NCAM2: variants seen among roughly 807,000 people sequenced by gnomAD.
NCAM2 encodes the protein N-CAM-2.
A neutral mutation model predicts 98.1 loss-of-function variants in NCAM2; 30 were observed. That is an observed-to-expected ratio of 0.31 (90% CI 0.23 to 0.41). The LOEUF (loss-of-function observed/expected upper bound fraction) is 0.41, where lower values mean the gene tolerates loss of function less well. Among genes scored for constraint, NCAM2 ranks in the 10% least tolerant of loss-of-function variants. The probability of loss-of-function intolerance (pLI) is 1.00; values close to 1 mark genes in which losing one functional copy is unlikely to be tolerated. For missense variants in NCAM2, 867 were observed against 1,005.8 expected (o/e 0.86, Z 1.87); for synonymous variants, 368 against 342.4 (o/e 1.07, Z -0.83).
intron 16 of NCAM2, among the ~76,000 whole-genome samples, chr21:21,527,133 A>T (rs540325216): frequency 1.9e-4 from 28 of 144,978 alleles, no homozygotes. Flanking sequence ...TTTTTTTGAG[A>T]TGGAGTCTCG....
chr21:21,098,157 T>C (rs1283477739), intron 1 of NCAM2, among the ~76,000 whole-genome samples: 1 of 150,346 alleles, frequency 6.7e-6, no homozygotes, highest in African/African-American at 2.4e-5. Context: ...AGTTTTAAAC[T>C]ATTGTTAGTT....
intron 1 of NCAM2, among the ~76,000 whole-genome samples, chr21:21,196,271 G>C (rs1363886388): frequency 6.6e-6 from 1 of 152,098 alleles, no homozygotes; most frequent in Non-Finnish European, 1.5e-5. Flanking sequence ...TGCCCTTCCT[G>C]GGTCAACCCA....
intron 5 of NCAM2, among the ~76,000 whole-genome samples, chr21:21,308,483 C>T (rs1346349314): frequency 2.0e-5 from 3 of 152,112 alleles, no homozygotes; most frequent in African/African-American, 4.8e-5. Context: ...ACAAACTCCT[C>T]TGACATTTTG....
chr21:21,430,164 A>T (rs541888849), intron 11 of NCAM2, among the ~76,000 whole-genome samples: 1 of 151,840 alleles, frequency 6.6e-6, no homozygotes, highest in South Asian at 2.1e-4. Flanking sequence ...AAGCAGCTGG[A>T]ATCACAGGCA....
chr21:21,107,556 T>A (rs2066374330), intron 1 of NCAM2, among the ~76,000 whole-genome samples: 1 of 152,108 alleles, frequency 6.6e-6, no homozygotes, highest in African/African-American at 2.4e-5. Flanking sequence ...AATTTCCTAC[T>A]TAATTTTTGA....
rs1390464386 is a variant in NCAM2 at position 21,284,416 on chromosome 21, A to G, written c.337+16A>G. On this transcript the variant is annotated intron_variant, in intron 3 of 17. Coordinates refer to ENST00000400546, the MANE Select transcript of NCAM2 (RefSeq NM_004540.5). ...GAAATTTACCGTAAGTAATGTATTT[A>G]TATGTTTTAGTTTATTCAATTTCAG... 2 of 1,580,540 alleles carry G rather than the reference A, an allele frequency of 1.3e-6. No homozygotes were observed. Among genetic ancestry groups the G allele is most frequent in the Admixed American group, 1.7e-5 (1 of 59,498 alleles).
chr21:21,311,180 C>CT (rs1344923009), intron 5 of NCAM2, among the ~76,000 whole-genome samples: 4 of 152,080 alleles, frequency 2.6e-5, no homozygotes, highest in African/African-American at 9.7e-5. Context: ...AAGAATTTTA[C>CT]TTTTTTTCTA....
At chr21:21,036,874 GCCAAGAGAGGGC>G (rs2064810884) in intron 1 of NCAM2, among the ~76,000 whole-genome samples, 2 of 152,270 alleles carry the variant, frequency 1.3e-5, no homozygotes, top group Admixed American at 1.3e-4. Flanking sequence ...GAAGAGAAGG[GCCAAGAGAGGGC>G]CCAAGAGATA....
chr21:21,172,434 G>A (rs1449566504), intron 1 of NCAM2, among the ~76,000 whole-genome samples: 1 of 151,882 alleles, frequency 6.6e-6, no homozygotes, highest in African/African-American at 2.4e-5. Context: ...TTTTATTCTA[G>A]TCATGTGCCA....
At chr21:21,366,063 A>G (rs1171193517) in intron 8 of NCAM2, among the ~76,000 whole-genome samples, 1 of 151,986 alleles carries the variant, frequency 6.6e-6, no homozygotes, top group Non-Finnish European at 1.5e-5. Context: ...TCAGAATGGG[A>G]CTTTTATTTG....
At chr21:21,093,022 A>G (rs1569014831) in intron 1 of NCAM2, among the ~76,000 whole-genome samples, 1 of 196 alleles carries the variant, frequency 5.1e-3, no homozygotes, top group African/African-American at 0.014. Flanking sequence ...GCTTTCATAA[A>G]CTTTCGTCAA....
chr21:21,024,085 A>G (rs770188881), intron 1 of NCAM2, among the ~76,000 whole-genome samples: 2 of 152,230 alleles, frequency 1.3e-5, no homozygotes. Context: ...CCAAAGCAAT[A>G]ATACAAAGAA....
chr21:21,024,306 A>G (rs979650026), intron 1 of NCAM2, among the ~76,000 whole-genome samples: 32 of 152,214 alleles, frequency 2.1e-4, no homozygotes, highest in African/African-American at 7.0e-4. Flanking sequence ...GGGAGCAGAC[A>G]CACACCTTGC....
chr21:21,081,388 CCACCTGACCAT>C (rs1335825634), intron 1 of NCAM2, among the ~76,000 whole-genome samples: 1 of 152,136 alleles, frequency 6.6e-6, no homozygotes, highest in African/African-American at 2.4e-5. Context: ...CAGTTAACAA[CCACCTGACCAT>C]CACCTGATGG....
chr21:21,065,005 C>A (rs1225051561), intron 1 of NCAM2, among the ~76,000 whole-genome samples: 11 of 151,958 alleles, frequency 7.2e-5, no homozygotes. Context: ...CATGGTGAAA[C>A]CCCGTCTCTA....
chr21:21,141,376 G>A (rs1358697161), intron 1 of NCAM2, among the ~76,000 whole-genome samples: 1 of 152,108 alleles, frequency 6.6e-6, no homozygotes, highest in Non-Finnish European at 1.5e-5. Context: ...CTGGCAGTTG[G>A]AAATGGTTCT....
chr21:21,293,544 C>T (rs994756560), intron 5 of NCAM2, among the ~76,000 whole-genome samples: 47 of 151,816 alleles, frequency 3.1e-4, no homozygotes, highest in African/African-American at 1.1e-3. Flanking sequence ...AATGGTCTTT[C>T]TAGAAGTACA....
intron 8 of NCAM2, among the ~76,000 whole-genome samples, chr21:21,355,126 A>C (rs2075435867): frequency 6.6e-6 from 1 of 152,108 alleles, no homozygotes; most frequent in Admixed American, 6.6e-5. Flanking sequence ...TAGATGTATT[A>C]AAACTGAAAT....
At chr21:21,107,552 CTACT>C (rs901607603) in intron 1 of NCAM2, among the ~76,000 whole-genome samples, 1 of 151,982 alleles carries the variant, frequency 6.6e-6, no homozygotes, top group African/African-American at 2.4e-5. Flanking sequence ...GCCAAATTTC[CTACT>C]TAATTTTTGA....
Sources: gnomAD v4.1 joint callset for allele counts (sites outside exome capture counted in the v4.1 genomes callset) on GRCh38, gnomAD v4.1.1 for gene constraint, MANE v1.5 for transcripts, NCBI Gene and HGNC (gene_info 2026-07-23, HGNC 2026-07-21) for gene names.